The following POC1B variants were observed in gnomAD, a reference collection of about 807,000 sequenced individuals.
POC1B encodes the protein POC1 centriolar protein B, also known as POC1 centriolar protein homolog B.
A neutral mutation model predicts 60.6 loss-of-function variants in POC1B; 44 were observed. That is an observed-to-expected ratio of 0.73 (90% CI 0.57 to 0.93). The LOEUF is 0.93. POC1B is among the 40% of genes least tolerant of loss of function. The pLI is 0.00. For missense variants in POC1B, 555 were observed against 572.3 expected, an observed-to-expected ratio of 0.97 and a Z score of 0.31; for synonymous variants, 180 against 198.9, an observed-to-expected ratio of 0.90 and a Z score of 0.80.
chr12:89,499,889 G>C (rs1052232717), intron 2 of POC1B, among the ~76,000 whole-genome samples: 1 of 152,282 alleles, frequency 6.6e-6, no homozygotes, highest in Non-Finnish European at 1.5e-5. Flanking sequence ...CGTGTTTGTT[G>C]AGGGCAGAGC....
chr12:89,405,909 T>C, the POC1B span, among the ~76,000 whole-genome samples: 5 of 151,176 alleles, frequency 3.3e-5, no homozygotes, highest in African/African-American at 9.7e-5. Flanking sequence ...TAGTGAAATA[T>C]GACTGTGCCA....
At chr12:89,475,177 A>T (rs1307828025) in intron 4 of POC1B, among the ~76,000 whole-genome samples, 1 of 152,202 alleles carries the variant, frequency 6.6e-6, no homozygotes, top group Non-Finnish European at 1.5e-5. Flanking sequence ...CCATAGAGGA[A>T]ACAGGATTTT....
rs572335428 is a variant in POC1B at position 89,516,860 on chromosome 12, C to T, written c.100+8260G>A. Among the ~76,000 whole-genome samples the T allele has an allele frequency of 2.0e-5, 3 of 152,282 alleles. No homozygotes were observed. The South Asian group carries it at 6.2e-4, about 32-fold the overall frequency. On this transcript the variant is annotated intron_variant, in intron 2 of 11. Coordinates refer to ENST00000313546, the MANE Select transcript of POC1B (RefSeq NM_172240.3). ...ACTCCAATCTCTGCCTCTGGCTTCA[C>T]GTGGCCTCCTCTTATGTCCTCTGTA...
At chr12:89,484,421 C>A (rs535997150) in intron 4 of POC1B, among the ~76,000 whole-genome samples, 1 of 152,318 alleles carries the variant, frequency 6.6e-6, no homozygotes, top group South Asian at 2.1e-4. Flanking sequence ...TAGTAGCTAT[C>A]TATATTAGCA....
intron 2 of POC1B, among the ~76,000 whole-genome samples, chr12:89,514,402 C>CT (rs60679774): frequency 0.018 from 1,208 of 66,936 alleles, 120 homozygotes; most frequent in Middle Eastern, 0.08. Context: ...TCATGTATTT[C>CT]TTTTTTTTTT....
At chr12:89,508,804 T>A (rs1472441453) in intron 2 of POC1B, among the ~76,000 whole-genome samples, 1 of 152,212 alleles carries the variant, frequency 6.6e-6, no homozygotes, top group East Asian at 1.9e-4. Flanking sequence ...CTTCCCCACC[T>A]TTGCTCTGCA....
In POC1B at chr12:89,470,362, G is replaced by A. The variant is rs35118127; in HGVS notation, c.809C>T (p.Thr270Met). 343 of 1,456,092 alleles carry A rather than the reference G, an allele frequency of 2.4e-4. No individual in the cohort carries two copies. The highest frequency in any genetic ancestry group is 2.0e-3 in the African/African-American group (141 of 72,306). 90.2% of individuals were successfully genotyped at this position (1,456,092 alleles called of 1,614,324 possible). Residue 270 changes from threonine (T) to methionine (M), a missense_variant and splice_region_variant, in exon 7 of 12, where the codon ACG becomes ATG. By Grantham distance (81) the Thr-to-Met change is moderately conservative. Transcript: ENST00000313546. The part of the protein sequence containing the change: ...GRLIYTLQGH[T>M]GPVFTVSFSK... Reference sequence around the variant, plus strand: ...AAGCAAGAATCTGAGTGTTAATACCGTATGTCCTTGAAGTGTATAGATGAG... The same window carrying A: ...AAGCAAGAATCTGAGTGTTAATACCATATGTCCTTGAAGTGTATAGATGAG...
the POC1B span, among the ~76,000 whole-genome samples, chr12:89,414,261 T>C: frequency 6.6e-6 from 1 of 152,214 alleles, no homozygotes; most frequent in Non-Finnish European, 1.5e-5. Context: ...ATTTCTCCTA[T>C]TGCTTTTGTT....
chr12:89,459,539 T>A, intron 10 of POC1B, 99 bp downstream of exon 10: 1 of 638,272 alleles, frequency 1.6e-6, no homozygotes. Flanking sequence ...ATAGGCCACG[T>A]TTTATCTCCT....
chr12:89,492,369 T>G (rs1188772742), intron 3 of POC1B, among the ~76,000 whole-genome samples: 2 of 152,030 alleles, frequency 1.3e-5, no homozygotes, highest in Non-Finnish European at 2.9e-5. Context: ...GGGAAAATAA[T>G]GTGAGGCATT....
At chr12:89,490,013 A>G (rs920350520) in intron 4 of POC1B, among the ~76,000 whole-genome samples, 5 of 152,142 alleles carry the variant, frequency 3.3e-5, no homozygotes, top group African/African-American at 1.2e-4. Context: ...GTCAGTCACA[A>G]GGCTGTGAGG....
chr12:89,434,955 T>A (rs568993029), intron 10 of POC1B, among the ~76,000 whole-genome samples: 55 of 152,068 alleles, frequency 3.6e-4, no homozygotes, highest in South Asian at 2.1e-3. Context: ...ATATTTTTTC[T>A]AAAAAAACTT....
At chr12:89,477,457 T>C (rs558934295) in intron 4 of POC1B, among the ~76,000 whole-genome samples, 6 of 152,138 alleles carry the variant, frequency 3.9e-5, no homozygotes, top group Admixed American at 6.5e-5. Context: ...GCATCCCCTT[T>C]TGGATATCCT....
chr12:89,418,279 G>T (rs1180349980), downstream of POC1B, among the ~76,000 whole-genome samples: 1 of 152,172 alleles, frequency 6.6e-6, no homozygotes, highest in South Asian at 2.1e-4. Context: ...TTCTTCAAAG[G>T]GTTGCAAAGA....
chr12:89,479,760 C>A (rs1323179658), intron 4 of POC1B, among the ~76,000 whole-genome samples: 2 of 151,794 alleles, frequency 1.3e-5, no homozygotes, highest in Non-Finnish European at 2.9e-5. Context: ...ATTTAAAATT[C>A]AAATACTAAA....
the POC1B span, among the ~76,000 whole-genome samples, chr12:89,412,831 C>T: frequency 8.4e-6 from 1 of 119,430 alleles, no homozygotes; most frequent in Admixed American, 8.8e-5. Flanking sequence ...TCCTTCCTTC[C>T]TTCCTTCCTT....
intron 4 of POC1B, among the ~76,000 whole-genome samples, chr12:89,472,957 T>C (rs918485707): frequency 6.6e-6 from 1 of 152,240 alleles, no homozygotes; most frequent in South Asian, 2.1e-4. Flanking sequence ...TGCTGTCTAT[T>C]CCTTTAATAT....
intron 10 of POC1B, among the ~76,000 whole-genome samples, chr12:89,449,466 T>C (rs1881946359): frequency 6.6e-6 from 1 of 152,032 alleles, no homozygotes; most frequent in South Asian, 2.1e-4. Context: ...ATGTTATACA[T>C]AAGAAATACA....
chr12:89,431,106 G>T (rs932733826), intron 10 of POC1B, among the ~76,000 whole-genome samples: 1 of 151,706 alleles, frequency 6.6e-6, no homozygotes, highest in Admixed American at 6.6e-5. Context: ...TAACAAATGT[G>T]AGTGCAAAAG....
Sources: allele counts gnomAD v4.1 joint callset (sites outside exome capture counted in the v4.1 genomes callset), GRCh38; gene constraint gnomAD v4.1.1; transcripts MANE v1.5; gene names NCBI Gene and HGNC (gene_info 2026-07-23, HGNC 2026-07-21).